Variants in EYS observed in about 807,000 individuals in gnomAD.
EYS encodes protein eyes shut homolog.
A neutral mutation model predicts 282.1 loss-of-function variants in EYS; 250 were observed. The ratio of observed to expected loss-of-function variants is 0.89; its 90% CI spans 0.80 to 0.98. The LOEUF (loss-of-function observed/expected upper bound fraction) is 0.98. Among genes scored for constraint, EYS ranks in the 50% least tolerant of loss-of-function variants. The probability of loss-of-function intolerance (pLI) is 0.00; values close to 1 mark genes in which losing one functional copy is unlikely to be tolerated. For missense variants in EYS, 4,016 were observed against 3,709.0 expected, an observed-to-expected ratio of 1.08 and a Z score of -2.15; for synonymous variants, 1,355 against 1,282.9, an observed-to-expected ratio of 1.06 and a Z score of -1.20.
chr6:65,657,744 A>G (rs183969968), intron 1 of EYS, among the ~76,000 whole-genome samples: 239 of 152,004 alleles, frequency 1.6e-3, no homozygotes, highest in African/African-American at 5.6e-3. Flanking sequence ...GCAGGGTTTG[A>G]GAGGATTGAC....
Position 65,621,562 on chromosome 6 carries a change from T to C in EYS, c.-333+18216A>G, listed in dbSNP as rs376860201. Reference sequence around the variant, plus strand: ...CATTTAGTCCATTTACATTTAAAGTTAATATTGTTATGTGTGAATTTGATC... The same window carrying C: ...CATTTAGTCCATTTACATTTAAAGTCAATATTGTTATGTGTGAATTTGATC... On this transcript the variant is annotated intron_variant, in intron 2 of 42. Coordinates refer to ENST00000503581, the MANE Select transcript of EYS (RefSeq NM_001142800.2). Among the ~76,000 whole-genome samples, 11 of 151,326 alleles carry C rather than the reference T, an allele frequency of 7.3e-5. No homozygotes were observed. The East Asian group carries it at 9.7e-4, about 13-fold the overall frequency.
At chr6:64,142,868 G>C (rs1026784817) in intron 31 of EYS, among the ~76,000 whole-genome samples, 1 of 152,082 alleles carries the variant, frequency 6.6e-6, no homozygotes, top group African/African-American at 2.4e-5. Context: ...AGGTAAGAGA[G>C]GGAAGAAATC....
intron 26 of EYS, among the ~76,000 whole-genome samples, chr6:64,518,729 T>A (rs145294475): frequency 0.014 from 2,115 of 151,360 alleles, 17 homozygotes; most frequent in Non-Finnish European, 0.021. Flanking sequence ...GTTTCCCCCA[T>A]CCTGTTCTTG....
chr6:64,515,498 T>C (rs1490285868), intron 26 of EYS, among the ~76,000 whole-genome samples: 1 of 151,480 alleles, frequency 6.6e-6, no homozygotes, highest in Non-Finnish European at 1.5e-5. Context: ...TCTCAATTTT[T>C]CTATTTTAGT....
At chr6:64,852,603 T>C (rs1765919453) in intron 19 of EYS, among the ~76,000 whole-genome samples, 1 of 152,084 alleles carries the variant, frequency 6.6e-6, no homozygotes, top group Non-Finnish European at 1.5e-5. Flanking sequence ...AACTGAATGT[T>C]TGTAGATGTA....
chr6:64,027,278 C>T (rs919217301), intron 33 of EYS, among the ~76,000 whole-genome samples: 1 of 152,202 alleles, frequency 6.6e-6, no homozygotes, highest in African/African-American at 2.4e-5. Context: ...TCCACCATAA[C>T]TCAGGGAAAG....
intron 22 of EYS, among the ~76,000 whole-genome samples, chr6:64,748,353 C>G (rs887576072): frequency 6.6e-6 from 1 of 152,202 alleles, no homozygotes; most frequent in African/African-American, 2.4e-5. Flanking sequence ...AATTTTTCCA[C>G]AGACAGGGTG....
intron 5 of EYS, among the ~76,000 whole-genome samples, chr6:65,416,571 T>C (rs1462842292): frequency 6.6e-6 from 1 of 151,974 alleles, no homozygotes; most frequent in African/African-American, 2.4e-5. Flanking sequence ...ATCCTAACAA[T>C]GTGCATATAT....
intron 29 of EYS, among the ~76,000 whole-genome samples, chr6:64,375,828 C>G (rs911467088): frequency 5.3e-5 from 8 of 152,164 alleles, no homozygotes; most frequent in Non-Finnish European, 1.0e-4. Context: ...ATGATACATT[C>G]TGTATAAGGC....
chr6:64,115,836 A>G (rs1773364382), intron 31 of EYS, among the ~76,000 whole-genome samples: 1 of 152,178 alleles, frequency 6.6e-6, no homozygotes, highest in African/African-American at 2.4e-5. Flanking sequence ...CTAGTAACAG[A>G]CTTCCCAAAG....
chr6:64,468,715 C>G (rs1345505535), intron 26 of EYS, among the ~76,000 whole-genome samples: 3 of 152,156 alleles, frequency 2.0e-5, no homozygotes, highest in Non-Finnish European at 4.4e-5. Context: ...TCCAAATGTA[C>G]TCAATGTTTA....
intron 12 of EYS, among the ~76,000 whole-genome samples, chr6:65,260,191 C>G (rs151305903): frequency 2.3e-3 from 343 of 152,074 alleles, no homozygotes; most frequent in East Asian, 0.012. Flanking sequence ...CATCACATCT[C>G]GTGAGAACTC....
intron 35 of EYS, among the ~76,000 whole-genome samples, chr6:63,934,908 A>T (rs932369922): frequency 2.7e-5 from 4 of 145,900 alleles, no homozygotes; most frequent in Non-Finnish European, 5.9e-5. Flanking sequence ...ATAAAAAAAT[A>T]AAAATAACAA....
chr6:64,821,874 T>G (rs1263550437), intron 20 of EYS, among the ~76,000 whole-genome samples, 151 bp from the exon 21 acceptor site: 1 of 152,072 alleles, frequency 6.6e-6, no homozygotes, highest in Non-Finnish European at 1.5e-5. Flanking sequence ...CCTGGGTTTC[T>G]TATCCTTGAA....
chr6:64,970,091 G>A (rs1562281001), intron 14 of EYS, among the ~76,000 whole-genome samples: 1 of 151,718 alleles, frequency 6.6e-6, no homozygotes, highest in Non-Finnish European at 1.5e-5. Flanking sequence ...GGAAAATTTG[G>A]GGTAGATTTG....
intron 26 of EYS, among the ~76,000 whole-genome samples, chr6:64,440,648 A>T (rs1026331156): frequency 1.3e-5 from 2 of 152,154 alleles, no homozygotes; most frequent in African/African-American, 4.8e-5. Context: ...AAAGCATAAT[A>T]CAATAACATT....
intron 31 of EYS, among the ~76,000 whole-genome samples, chr6:64,128,027 A>G (rs1243004820): frequency 6.6e-6 from 1 of 152,132 alleles, no homozygotes; most frequent in Admixed American, 6.5e-5. Flanking sequence ...TGTCATCTAC[A>G]ATCTTGAGTC....
At chr6:64,943,493 T>C (rs1769169352) in intron 15 of EYS, among the ~76,000 whole-genome samples, 2 of 152,078 alleles carry the variant, frequency 1.3e-5, no homozygotes, top group Admixed American at 6.6e-5. Flanking sequence ...ACAAAATCGA[T>C]GTATACAAAT....
chr6:65,329,073 G>A (rs145847062), intron 11 of EYS, among the ~76,000 whole-genome samples: 60 of 151,312 alleles, frequency 4.0e-4, no homozygotes, highest in African/African-American at 1.3e-3. Context: ...ATCTGGCTTA[G>A]GTAGTATAAA....
Sources: allele counts gnomAD v4.1 joint callset (sites outside exome capture counted in the v4.1 genomes callset), GRCh38; gene constraint gnomAD v4.1.1; transcripts MANE v1.5; gene names NCBI Gene and HGNC (gene_info 2026-07-23, HGNC 2026-07-21).